FAM240C: variants seen among roughly 807,000 people sequenced by gnomAD.
FAM240C encodes the protein family with sequence similarity 240 member C, also known as protein FAM240C.
FAM240C carries 14 observed loss-of-function variants against 10.0 expected under a neutral mutation model. The observed-to-expected ratio is 1.40, with a 90% CI of 0.92 to 2.19. The LOEUF is 2.19. Among genes scored for constraint, FAM240C ranks in the 30% most tolerant of loss-of-function variants. The probability of loss-of-function intolerance (pLI) is 0.00; values close to 1 mark genes in which losing one functional copy is unlikely to be tolerated. For synonymous variants in FAM240C, 49 were observed against 44.3 expected (o/e 1.11, Z -0.42); for missense variants, 154 against 122.3 (o/e 1.26, Z -1.22).
upstream of FAM240C, among the ~76,000 whole-genome samples, chr2:241,901,974 G>A (rs1575423270): frequency 1.3e-5 from 2 of 152,284 alleles, no homozygotes; most frequent in African/African-American, 4.8e-5. This position sits in a 1 kb window ranked among gnomAD's most constrained non-coding sequence, Gnocchi z 4.9. Context: ...GGGACGGCAG[G>A]GCGCCACCGT....
chr2:241,897,359 G>T, intron 1 of FAM240C, 25 bp from the exon 2 acceptor site: 1 of 1,548,130 alleles, frequency 6.5e-7, no homozygotes, highest in African/African-American at 1.4e-5. Flanking sequence ...GTGGAGAAGA[G>T]CTCAGTCACC....
intron 1 of FAM240C, 22 bp from the exon 2 acceptor site, chr2:241,897,356 A>C (rs1210544694): frequency 1.3e-6 from 2 of 1,548,426 alleles, no homozygotes; most frequent in Non-Finnish European, 1.7e-6. Context: ...AAAGTGGAGA[A>C]GAGCTCAGTC....
upstream of FAM240C, chr2:241,902,463 C>G (rs1702008552): frequency 1.3e-5 from 2 of 154,494 alleles, no homozygotes; most frequent in South Asian, 3.5e-4. This position sits in a 1 kb window ranked among gnomAD's most constrained non-coding sequence, Gnocchi z 7.1. Flanking sequence ...CGCCTCCAAG[C>G]CTCCTGTGCC....
upstream of FAM240C, chr2:241,900,497 G>C (rs966146030): frequency 1.6e-5 from 11 of 670,682 alleles, no homozygotes; most frequent in African/African-American, 1.6e-4. This position sits in a 1 kb window ranked among gnomAD's most constrained non-coding sequence, Gnocchi z 4.5. Flanking sequence ...GCTTGGCGTC[G>C]GTTCAGTCCC....
At position 241,896,056 on chromosome 2, in the gene FAM240C, A is replaced by G. The variant is rs373825692; in HGVS notation, c.161+1130T>C. 3.7e-3 allele frequency among the ~76,000 whole-genome samples: 554 copies of G among 151,478 alleles called. 2 individuals are homozygous for G. Among genetic ancestry groups the G allele is most frequent in the African/African-American group, 0.013 (522 of 41,206 alleles). ...CATGTCCGTAGTTGGGTAGCTGGTG[A>G]GTGGGGAGGGGCACCCCCAGGCTCT... is the stretch of plus-strand genomic sequence containing the variant. On this transcript the variant is annotated intron_variant, in intron 2 of 2. Coordinates refer to ENST00000404031, the MANE Select transcript of FAM240C (RefSeq NM_001382368.1).
Position 241,900,459 on chromosome 2 carries a change from T to C in FAM240C, c.-90A>G. 1 of 706,504 alleles carries C rather than the reference T, an allele frequency of 1.4e-6. No homozygotes were observed. The highest frequency in any genetic ancestry group is 2.6e-6 in the Non-Finnish European group (1 of 378,320). The allele number at this position is 706,504 out of a possible 1,614,324, so 43.8% of individuals were successfully genotyped here. A position where few individuals can be genotyped will look rare whatever the true frequency, so the allele number is the denominator to read the frequency against. On this transcript the variant is annotated 5_prime_UTR_variant, in exon 1 of 3. Transcript: ENST00000404031. The surrounding 1 kb of genome is among the most constrained non-coding windows in gnomAD (Gnocchi z 4.5). The stretch of plus-strand genomic sequence containing the variant: ...CACGCCTGTATCTCGCCTGCCGCTC[T>C]CTGTTACATGGGCTCAGTGACACGC...
intron 2 of FAM240C, among the ~76,000 whole-genome samples, chr2:241,895,578 G>A (rs1701776214): frequency 1.3e-5 from 2 of 152,248 alleles, no homozygotes; most frequent in African/African-American, 4.8e-5. Flanking sequence ...GGGGAGGAAA[G>A]TTAGGCTACT....
chr2:241,897,100 G>C (rs568752908), intron 2 of FAM240C, 86 bp downstream of exon 2: 1 of 1,441,414 alleles, frequency 6.9e-7, no homozygotes, highest in African/African-American at 1.4e-5. Context: ...GCTGTGTCAG[G>C]GCACACTGCT....
chr2:241,894,195 T>C lies in FAM240C; in HGVS notation c.*18A>G. The C allele has an allele frequency of 6.5e-7, 1 of 1,547,042 alleles. No homozygotes were observed. The highest frequency in any genetic ancestry group is 2.4e-5 in the East Asian group (1 of 40,820). On this transcript the variant is annotated 3_prime_UTR_variant, in exon 3 of 3. Transcript: ENST00000404031. Reference sequence around the variant, plus strand: ...TGACCCTCCGGAAGCTCATGCAGAGTCTGGAGCTCGTGGGCCCTCAGGCCG... The same window carrying C: ...TGACCCTCCGGAAGCTCATGCAGAGCCTGGAGCTCGTGGGCCCTCAGGCCG...
chr2:241,896,261 G>T (rs1010731813), intron 2 of FAM240C, among the ~76,000 whole-genome samples: 1 of 152,178 alleles, frequency 6.6e-6, no homozygotes, highest in Non-Finnish European at 1.5e-5. Flanking sequence ...GGTCGGCTCA[G>T]GGTCACCCAC....
At chr2:241,899,088 C>A (rs560837538) in intron 1 of FAM240C, 33 of 1,294,428 alleles carry the variant, frequency 2.5e-5, no homozygotes, top group African/African-American at 7.6e-5. Context: ...CTGAGACCCG[C>A]GGGCTCGTTT....
In FAM240C at chr2:241,897,319, G is replaced by A. The variant is rs1278693876; in HGVS notation, c.28C>T (p.Leu10Phe). ...ACTCTTCCAGGATTCTTAAGAGTGA[G>A]GCTTTTACTCATGTTCTGGAAAATA... MVGKNMSKSLTLKNPGRVAY... is the reference protein window; with the variant it reads MVGKNMSKSFTLKNPGRVAY... The change falls in exon 2 of 3, where the codon CTC (leucine) becomes TTC (phenylalanine). Residue 10 changes from leucine (L) to phenylalanine (F), a missense_variant. Coordinates refer to ENST00000404031, the MANE Select transcript of FAM240C (RefSeq NM_001382368.1). 3.2e-6 allele frequency: 5 copies of A among 1,549,532 alleles called. No homozygotes were observed. Among genetic ancestry groups the A allele is most frequent in the Non-Finnish European group, 4.4e-6 (5 of 1,146,450 alleles).
At position 241,900,350 on chromosome 2, in the gene FAM240C, G is replaced by C. The variant is rs1244647363; in HGVS notation, c.12+8C>G. 2 of 717,304 alleles carry C rather than the reference G, an allele frequency of 2.8e-6. No individual in the cohort carries two copies. Among genetic ancestry groups the C allele is most frequent in the East Asian group, 5.4e-5 (2 of 37,290 alleles). 44.4% of individuals were successfully genotyped at this position (717,304 alleles called of 1,614,324 possible). On this transcript the variant is annotated splice_region_variant and intron_variant, in intron 1 of 2. Coordinates refer to ENST00000404031, the MANE Select transcript of FAM240C (RefSeq NM_001382368.1). This position sits in a 1 kb window ranked among gnomAD's most constrained non-coding sequence, Gnocchi z 4.5. ...AGGACAGCGCCTGTCACATCACAGA[G>C]AGCTTACTTTTCCAACCATTTCTCA...
chr2:241,894,417 A>C, intron 2 of FAM240C, 78 bp from the exon 3 acceptor site: 1 of 1,456,998 alleles, frequency 6.9e-7, no homozygotes, highest in East Asian at 2.5e-5. Flanking sequence ...GTCTCTCAGC[A>C]CCTGGGCACC....
At chr2:241,896,006 G>A (rs940676759) in intron 2 of FAM240C, among the ~76,000 whole-genome samples, 1 of 152,134 alleles carries the variant, frequency 6.6e-6, no homozygotes, top group Non-Finnish European at 1.5e-5. Context: ...GAGTGCCTGC[G>A]TGGTGCTGGG....
At chr2:241,894,535 G>A (rs146182846) in intron 2 of FAM240C, among the ~76,000 whole-genome samples, 196 bp from the exon 3 acceptor site, 1,356 of 134,974 alleles carry the variant, frequency 0.01, 86 homozygotes, top group Admixed American at 0.095. Context: ...CTGGGATCTC[G>A]TGGCCGGCCT....
intron 2 of FAM240C, among the ~76,000 whole-genome samples, 174 bp downstream of exon 2, chr2:241,897,012 T>G (rs1701860687): frequency 6.6e-6 from 1 of 151,892 alleles, no homozygotes; most frequent in East Asian, 1.9e-4. Context: ...GGTGAGTGAA[T>G]GGCTGTCAGT....
chr2:241,897,380 C>G (rs1701877182), intron 1 of FAM240C, 46 bp from the exon 2 acceptor site: 1 of 1,534,664 alleles, frequency 6.5e-7, no homozygotes, highest in Non-Finnish European at 8.8e-7. Context: ...TTATGCCATT[C>G]CCATTGACGA....
At chr2:241,901,762 G>C (rs1701988348), upstream of FAM240C, among the ~76,000 whole-genome samples, 1 of 152,254 alleles carries the variant, frequency 6.6e-6, no homozygotes, top group Non-Finnish European at 1.5e-5. This position sits in a 1 kb window ranked among gnomAD's most constrained non-coding sequence, Gnocchi z 4.9. Flanking sequence ...AAAACGGAAA[G>C]GAATAGCCCC....
Sources: allele counts gnomAD v4.1 joint callset (sites outside exome capture counted in the v4.1 genomes callset), GRCh38; gene constraint gnomAD v4.1.1; non-coding constraint Gnocchi (gnomAD v3.1); transcripts MANE v1.5; gene names NCBI Gene and HGNC (gene_info 2026-07-23, HGNC 2026-07-21).